Variants in UGT8 observed in about 807,000 individuals in gnomAD.
The protein encoded by UGT8 is 2-hydroxyacylsphingosine 1-beta-galactosyltransferase.
UGT8 carries 12 observed loss-of-function variants against 40.5 expected under a neutral mutation model. That is an observed-to-expected ratio of 0.30 (90% confidence interval 0.19 to 0.48). UGT8 has a LOEUF of 0.48. UGT8 is among the 20% of genes least tolerant of loss of function. The probability of loss-of-function intolerance (pLI) is 0.99; values close to 1 mark genes in which losing one functional copy is unlikely to be tolerated. For synonymous variants in UGT8, 224 were observed against 240.4 expected (o/e 0.93, Z 0.63); for missense variants, 513 against 648.7 (o/e 0.79, Z 2.27).
chr4:114,617,472 A>G (rs984466957), intron 1 of UGT8, among the ~76,000 whole-genome samples: 4 of 152,310 alleles, frequency 2.6e-5, no homozygotes, highest in Middle Eastern at 3.4e-3. Flanking sequence ...ATAATTTTTA[A>G]TAGAAAGAAA....
intron 2 of UGT8, among the ~76,000 whole-genome samples, chr4:114,647,863 T>TA (rs1733670672): frequency 6.6e-6 from 1 of 152,214 alleles, no homozygotes; most frequent in Non-Finnish European, 1.5e-5. Context: ...CTGTCCCTTA[T>TA]ATCCTCTTAT....
At chr4:114,611,468 G>GAT (rs1731072254) in intron 1 of UGT8, among the ~76,000 whole-genome samples, 2 of 104,596 alleles carry the variant, frequency 1.9e-5, no homozygotes, top group African/African-American at 4.3e-5. Context: ...AGAGATATTA[G>GAT]ATATATATAA....
chr4:114,641,962 C>A (rs1733249837), intron 2 of UGT8, among the ~76,000 whole-genome samples: 1 of 152,008 alleles, frequency 6.6e-6, no homozygotes, highest in African/African-American at 2.4e-5. Flanking sequence ...TACAAGATGA[C>A]ATGCAATAGT....
chr4:114,616,108 C>T (rs1283329467), intron 1 of UGT8, among the ~76,000 whole-genome samples: 1 of 152,150 alleles, frequency 6.6e-6, no homozygotes, highest in Non-Finnish European at 1.5e-5. Context: ...TCTGGGAGAA[C>T]CACTACTCTC....
intron 2 of UGT8, among the ~76,000 whole-genome samples, chr4:114,636,195 G>A (rs1331862697): frequency 6.6e-6 from 1 of 152,096 alleles, no homozygotes; most frequent in African/African-American, 2.4e-5. Context: ...ATAGATACAA[G>A]CTTTATTCAC....
intron 2 of UGT8, among the ~76,000 whole-genome samples, chr4:114,654,417 T>C (rs1291492121): frequency 1.3e-5 from 2 of 152,056 alleles, no homozygotes; most frequent in Non-Finnish European, 2.9e-5. Context: ...CTGCAAAATC[T>C]ACCCTAGTAA....
intron 1 of UGT8, among the ~76,000 whole-genome samples, chr4:114,619,133 C>T (rs1029802190): frequency 2.6e-5 from 4 of 151,870 alleles, no homozygotes; most frequent in Admixed American, 6.6e-5. Context: ...GATTAAATTT[C>T]GAACAAAACC....
At chr4:114,652,620 T>C (rs1233476192) in intron 2 of UGT8, among the ~76,000 whole-genome samples, 1 of 152,000 alleles carries the variant, frequency 6.6e-6, no homozygotes, top group Non-Finnish European at 1.5e-5. Context: ...TAGTGATAAA[T>C]TGTATTAATG....
At chr4:114,622,088 A>G (rs111324566) in intron 1 of UGT8, among the ~76,000 whole-genome samples, 7,134 of 146,888 alleles carry the variant, frequency 0.049, 368 homozygotes, top group African/African-American at 0.13. Flanking sequence ...ATATATCCCA[A>G]TGCTATCCCT....
chr4:114,644,011 T>C (rs1362534406), intron 2 of UGT8, among the ~76,000 whole-genome samples: 1 of 152,196 alleles, frequency 6.6e-6, no homozygotes, highest in Non-Finnish European at 1.5e-5. Context: ...TTCCAGGCTT[T>C]ACCCTTCAGC....
At chr4:114,606,660 CA>C (rs1162582387) in intron 1 of UGT8, among the ~76,000 whole-genome samples, 1 of 151,968 alleles carries the variant, frequency 6.6e-6, no homozygotes, top group Admixed American at 6.6e-5. Flanking sequence ...ACTTTGTAGA[CA>C]TTTGTGAGAA....
chr4:114,667,910 G>A (rs1475088395), intron 4 of UGT8, 175 bp from the exon 5 acceptor site: 5 of 969,608 alleles, frequency 5.2e-6, no homozygotes, highest in African/African-American at 1.8e-5. Flanking sequence ...TGACAATTAG[G>A]TATATAACAA....
intron 2 of UGT8, among the ~76,000 whole-genome samples, chr4:114,645,556 T>C (rs1299792562): frequency 6.6e-6 from 1 of 152,114 alleles, no homozygotes; most frequent in African/African-American, 2.4e-5. Flanking sequence ...GTTAGAAAAA[T>C]ACCACAAATG....
chr4:114,613,114 G>A (rs1731189385), intron 1 of UGT8, among the ~76,000 whole-genome samples: 1 of 152,036 alleles, frequency 6.6e-6, no homozygotes, highest in South Asian at 2.1e-4. Flanking sequence ...ATTACAAAGG[G>A]TACTGATTTG....
chr4:114,652,828 T>C (rs2126123585), intron 2 of UGT8, among the ~76,000 whole-genome samples: 1 of 152,210 alleles, frequency 6.6e-6, no homozygotes, highest in Admixed American at 6.5e-5. Flanking sequence ...GAGTCTTTGC[T>C]GGGTCCAGTT....
chr4:114,675,840 ATTTCCCCTTT>A, intron 5 of UGT8, 75 bp from the exon 6 acceptor site: 1 of 1,450,010 alleles, frequency 6.9e-7, no homozygotes, highest in Non-Finnish European at 9.2e-7. Context: ...TGTTTTAATT[ATTTCCCCTTT>A]TTAAATGAAG....
chr4:114,672,785 T>G (rs1413486680), intron 5 of UGT8, among the ~76,000 whole-genome samples: 1 of 152,198 alleles, frequency 6.6e-6, no homozygotes, highest in South Asian at 2.1e-4. Context: ...CCATTTTCTT[T>G]TAGAAGAAAT....
intron 1 of UGT8, among the ~76,000 whole-genome samples, chr4:114,617,682 C>T (rs1422943913): frequency 1.3e-5 from 2 of 152,090 alleles, no homozygotes; most frequent in Admixed American, 6.5e-5. Context: ...AATGGAAGTC[C>T]AAACAGATAA....
chr4:114,671,640 T>C (rs998643743), intron 5 of UGT8, among the ~76,000 whole-genome samples: 1 of 152,178 alleles, frequency 6.6e-6, no homozygotes, highest in African/African-American at 2.4e-5. Context: ...AAACTGAAAC[T>C]GGACCCCTTC....
Sources: allele counts gnomAD v4.1 joint callset (sites outside exome capture counted in the v4.1 genomes callset), GRCh38; gene constraint gnomAD v4.1.1; transcripts MANE v1.5; gene names NCBI Gene and HGNC (gene_info 2026-07-23, HGNC 2026-07-21).